PGM3: variants seen among roughly 807,000 people sequenced by gnomAD.
PGM3 encodes phosphoacetylglucosamine mutase.
In PGM3, 40 loss-of-function variants were observed where a neutral mutation model predicts 66.2. The ratio of observed to expected loss-of-function variants is 0.60; its 90% CI spans 0.47 to 0.79. The LOEUF (loss-of-function observed/expected upper bound fraction) is 0.79, where lower values mean the gene tolerates loss of function less well. PGM3 is among the 30% of genes least tolerant of loss of function. PGM3 has a pLI of 0.00. For synonymous variants in PGM3, 191 were observed against 224.2 expected (o/e 0.85, Z 1.32); for missense variants, 537 against 643.4 (o/e 0.83, Z 1.79).
downstream of PGM3, among the ~76,000 whole-genome samples, chr6:83,164,408 A>G (rs1301970474): frequency 1.3e-5 from 2 of 151,876 alleles, no homozygotes; most frequent in Non-Finnish European, 2.9e-5. Flanking sequence ...CCAGAAGCAA[A>G]TATGACCCCA....
At chr6:83,187,152 A>G in intron 3 of PGM3, 77 bp from the exon 4 acceptor site, 1 of 867,252 alleles carries the variant, frequency 1.2e-6, no homozygotes, top group Non-Finnish European at 1.9e-6. Flanking sequence ...GCAAATGCAA[A>G]AATTACATGC....
At chr6:83,185,418 A>G (rs1254189308) in intron 4 of PGM3, among the ~76,000 whole-genome samples, 1 of 152,084 alleles carries the variant, frequency 6.6e-6, no homozygotes, top group African/African-American at 2.4e-5. Context: ...AAACAGAAAT[A>G]GACTACTAGA....
chr6:83,176,086 A>G (rs1339432484), intron 8 of PGM3, 26 bp from the exon 9 acceptor site: 2 of 1,213,454 alleles, frequency 1.6e-6, no homozygotes, highest in East Asian at 2.3e-5. Flanking sequence ...TTAAAGAAAT[A>G]CAGCAATTAC....
At chr6:83,193,589 T>G (rs1202949596), upstream of PGM3, 1 of 151,310 alleles carries the variant, frequency 6.6e-6, no homozygotes, top group Non-Finnish European at 1.5e-5. Flanking sequence ...GGGTTCCTAG[T>G]GGTCTTGGCT....
chr6:83,181,238 T>C (rs989294933), intron 6 of PGM3, among the ~76,000 whole-genome samples: 4 of 152,242 alleles, frequency 2.6e-5, no homozygotes, highest in African/African-American at 9.6e-5. Flanking sequence ...CTTTCCATAG[T>C]GTATTTAATT....
chr6:83,184,539 A>C (rs524068), intron 4 of PGM3, among the ~76,000 whole-genome samples: 34,104 of 152,184 alleles, frequency 0.22, 3,910 homozygotes, highest in Non-Finnish European at 0.24. Flanking sequence ...TTTGTGACCA[A>C]TATCAAAATT....
Position 83,177,089 on chromosome 6 carries a change from A to C in PGM3, c.1030-1029T>G, listed in dbSNP as rs1787825978. 2.0e-5 allele frequency among the ~76,000 whole-genome samples: 3 copies of C among 152,190 alleles called. No homozygotes were observed. The South Asian group carries it at 6.2e-4, about 32-fold the overall frequency. ...AATTCAGATTTCCTGCTTCTCTTGA[A>C]GAGTGTGACTACAGTTGACATCAGC... is the stretch of plus-strand genomic sequence containing the variant. On this transcript the variant is annotated intron_variant, in intron 8 of 12. Coordinates refer to ENST00000513973, the MANE Select transcript of PGM3 (RefSeq NM_015599.3).
Position 83,174,494 on chromosome 6 carries a change from CA to C in PGM3, c.1129-8del. On this transcript the variant is annotated splice_polypyrimidine_tract_variant and splice_region_variant and intron_variant, in intron 9 of 12. Transcript: ENST00000513973. ...CAGCTGTACTAAACAGTGCCTGCAG[CA>C]AAAGAATATAAAATCAGTCTCAAAA... 1 of 1,443,446 alleles carries C rather than the reference CA, an allele frequency of 6.9e-7. No individual in the cohort carries two copies. The highest frequency in any genetic ancestry group is 9.5e-7 in the Non-Finnish European group (1 of 1,048,334). 89.4% of individuals were successfully genotyped at this position (1,443,446 alleles called of 1,614,324 possible).
At chr6:83,185,673 C>T (rs976585489) in intron 4 of PGM3, among the ~76,000 whole-genome samples, 5 of 152,010 alleles carry the variant, frequency 3.3e-5, no homozygotes, top group African/African-American at 1.2e-4. Flanking sequence ...GCAGGAGAAT[C>T]GCTTGAACCA....
chr6:83,148,982 C>A, the PGM3 span: 2 of 560,276 alleles, frequency 3.6e-6, no homozygotes, highest in Non-Finnish European at 2.8e-6. Flanking sequence ...TCATAGTGTT[C>A]TTGAGATGCA....
chr6:83,160,503 A>G (rs545694999), downstream of PGM3, among the ~76,000 whole-genome samples: 61 of 152,352 alleles, frequency 4.0e-4, no homozygotes, highest in Middle Eastern at 0.014. Context: ...TTGGACAGCT[A>G]AGGAAAGAAG....
In PGM3 at chr6:83,167,916, T is replaced by C; in HGVS notation, c.*1318A>G. 2 of 1,613,918 alleles carry C rather than the reference T, an allele frequency of 1.2e-6. No homozygotes were observed. The highest frequency in any genetic ancestry group is 1.7e-4 in the Middle Eastern group (1 of 6,058). ...AACATTGGGTTGGGAGCCAGGGCAC[T>C]TGCTGCTCACCATCTGCACCGTGCG... On this transcript the variant is annotated 3_prime_UTR_variant, in exon 13 of 13. Transcript: ENST00000513973.
the PGM3 span, chr6:83,153,755 C>T: frequency 4.4e-5 from 51 of 1,165,846 alleles, no homozygotes; most frequent in African/African-American, 6.2e-4. Context: ...TAAAAAAATT[C>T]ATATATTATT....
At chr6:83,157,454 A>T (rs1267877117), downstream of PGM3, 3 of 895,410 alleles carry the variant, frequency 3.4e-6, no homozygotes, top group Non-Finnish European at 5.2e-6. Context: ...TGCTTTTTAC[A>T]GTTGAAAATA....
At chr6:83,174,849 T>TA (rs1787637631) in intron 9 of PGM3, among the ~76,000 whole-genome samples, 2 of 152,362 alleles carry the variant, frequency 1.3e-5, no homozygotes, top group East Asian at 3.9e-4. Flanking sequence ...GTATCCTTTT[T>TA]ACTTTGAAGG....
chr6:83,154,572 C>A, the PGM3 span, among the ~76,000 whole-genome samples: 2 of 152,180 alleles, frequency 1.3e-5, no homozygotes, highest in African/African-American at 2.4e-5. Flanking sequence ...TAATAGCACT[C>A]AATAAATAAT....
chr6:83,172,880 G>C (rs146570028), intron 10 of PGM3, among the ~76,000 whole-genome samples: 1 of 152,150 alleles, frequency 6.6e-6, no homozygotes, highest in African/African-American at 2.4e-5. Flanking sequence ...TATAAATTCA[G>C]AGTTTTAGGA....
Position 83,167,201 on chromosome 6 carries a change from CA to C in PGM3, c.*2032del, listed in dbSNP as rs1363329036. On this transcript the variant is annotated 3_prime_UTR_variant, in exon 13 of 13. Coordinates refer to ENST00000513973, the MANE Select transcript of PGM3 (RefSeq NM_015599.3). The stretch of plus-strand genomic sequence containing the variant: ...GTGAGGAACCTTTGTATATCCTGCC[CA>C]AGGGTGCCGTAAGTATGGCAGAGCC... 1.1e-6 allele frequency: 1 copy of C among 902,544 alleles called. No individual in the cohort carries two copies. The highest frequency in any genetic ancestry group is 1.8e-5 in the African/African-American group (1 of 55,534). 55.9% of individuals were successfully genotyped at this position (902,544 alleles called of 1,614,324 possible).
intron 6 of PGM3, among the ~76,000 whole-genome samples, chr6:83,180,368 A>C (rs551061290): frequency 2.3e-4 from 35 of 152,224 alleles, no homozygotes; most frequent in Non-Finnish European, 3.4e-4. Context: ...AACAGAAATG[A>C]TTTTTATTTG....
Sources: gnomAD v4.1 joint callset for allele counts (sites outside exome capture counted in the v4.1 genomes callset) on GRCh38, gnomAD v4.1.1 for gene constraint, MANE v1.5 for transcripts, NCBI Gene and HGNC (gene_info 2026-07-23, HGNC 2026-07-21) for gene names.